The following AGAP3 variants were observed in gnomAD, a reference collection of about 807,000 sequenced individuals.
AGAP3 encodes the protein ArfGAP with GTPase domain, ankyrin repeat and PH domain 3.
In AGAP3, 24 loss-of-function variants were observed where a neutral mutation model predicts 96.9. The ratio of observed to expected loss-of-function variants is 0.25; its 90% CI spans 0.18 to 0.35. The LOEUF (loss-of-function observed/expected upper bound fraction) is 0.35. AGAP3 is among the 10% of genes least tolerant of loss of function. The pLI, the probability that AGAP3 is intolerant of heterozygous loss-of-function variation, is 1.00. For synonymous variants in AGAP3, 563 were observed against 536.1 expected, an observed-to-expected ratio of 1.05 and a Z score of -0.69; for missense variants, 876 against 1,254.2, an observed-to-expected ratio of 0.70 and a Z score of 4.55.
In AGAP3 at chr7:151,141,984, C is replaced by A; in HGVS notation, c.1891C>A (p.Leu631Met). The change falls in exon 14 of 18, where the codon CTG becomes ATG. Residue 631 changes from leucine to methionine, a missense_variant. This residue lies in a region of AGAP3 where 103 missense variants were observed against 183.0 expected (regional missense o/e 0.56). Transcript: ENST00000397238. The surrounding 1 kb of genome is among the most constrained non-coding windows in gnomAD (Gnocchi z 4.2). Reference protein sequence around the residue: ...FEASTAEERELWVQSVQAQIL... With the variant: ...FEASTAEEREMWVQSVQAQIL... The stretch of plus-strand genomic sequence containing the variant: ...GGCTTCAACGGCGGAGGAGCGGGAG[C>A]TGTGGGTTCAGAGTGTGCAGGCCCA... 3.1e-6 allele frequency: 5 copies of A among 1,614,112 alleles called. No homozygotes were observed. Among genetic ancestry groups the A allele is most frequent in the Non-Finnish European group, 4.2e-6 (5 of 1,180,000 alleles).
chr7:151,103,821 G>C (rs1159571239), intron 1 of AGAP3, among the ~76,000 whole-genome samples: 1 of 152,216 alleles, frequency 6.6e-6, no homozygotes, highest in Non-Finnish European at 1.5e-5. Flanking sequence ...TGGACTTATT[G>C]TAGGGCCAGG....
At chr7:151,110,406 A>T (rs918689504) in intron 1 of AGAP3, among the ~76,000 whole-genome samples, 1 of 152,198 alleles carries the variant, frequency 6.6e-6, no homozygotes, top group Non-Finnish European at 1.5e-5. Context: ...TTCAGGGACA[A>T]GCAGGGCAGA....
rs933554272 is a variant in AGAP3 at position 151,120,936 on chromosome 7, G to A, written c.1128+791G>A. On this transcript the variant is annotated intron_variant, in intron 8 of 17. Transcript: ENST00000397238. ...CCTAATCCTCCAGCCGGGCTTGGCTGGATGTTCCAGGAGTCTTGGGCCAGA... is the reference window on the plus strand; with the variant it reads ...CCTAATCCTCCAGCCGGGCTTGGCTAGATGTTCCAGGAGTCTTGGGCCAGA... The A allele has an allele frequency of 1.4e-5, 13 of 899,952 alleles. No individual in the cohort carries two copies. The African/African-American group carries it at 2.3e-4, about 16-fold the overall frequency. 55.7% of individuals were successfully genotyped at this position (899,952 alleles called of 1,614,324 possible).
Position 151,114,953 on chromosome 7 carries a change from C to G in AGAP3, c.332-1840C>G. 2 of 983,452 alleles carry G rather than the reference C, an allele frequency of 2.0e-6. No individual in the cohort carries two copies. The highest frequency in any genetic ancestry group is 2.4e-6 in the Non-Finnish European group (2 of 830,536). 60.9% of individuals were successfully genotyped at this position (983,452 alleles called of 1,614,324 possible). Reference sequence around the variant, plus strand: ...AGCCGGCGCGGCCGCGGAGCGTGTGCTCGGGCGGCCCGGAGCCGCCGCCCA... The same window carrying G: ...AGCCGGCGCGGCCGCGGAGCGTGTGGTCGGGCGGCCCGGAGCCGCCGCCCA... On this transcript the variant is annotated intron_variant, in intron 1 of 17. Coordinates refer to ENST00000397238, the MANE Select transcript of AGAP3 (RefSeq NM_031946.7). This position sits in a 1 kb window ranked among gnomAD's most constrained non-coding sequence, Gnocchi z 4.4.
At chr7:151,120,212 C>G in intron 8 of AGAP3, 67 bp downstream of exon 8, 6 of 1,511,922 alleles carry the variant, frequency 4.0e-6, no homozygotes, top group Non-Finnish European at 5.4e-6. Flanking sequence ...GCGCCGAGCT[C>G]CCAGCCAGGA....
At chr7:151,120,394 T>C in intron 8 of AGAP3, 1 of 664,428 alleles carries the variant, frequency 1.5e-6, no homozygotes, top group Non-Finnish European at 2.7e-6. Flanking sequence ...CTCCCTGCCC[T>C]CTGCCGCACA....
At chr7:151,113,167 G>A (rs1000677500) in intron 1 of AGAP3, among the ~76,000 whole-genome samples, 26 of 152,346 alleles carry the variant, frequency 1.7e-4, no homozygotes, top group Admixed American at 7.8e-4. Flanking sequence ...AAGGCAGAAT[G>A]TGTTTCCTTT....
At chr7:151,124,650 G>T (rs995171111) in intron 9 of AGAP3, among the ~76,000 whole-genome samples, 1 of 152,210 alleles carries the variant, frequency 6.6e-6, no homozygotes, top group Non-Finnish European at 1.5e-5. Context: ...GGAGGCTCAC[G>T]TGGCCAGAGC....
chr7:151,139,590 T>G lies in AGAP3; in HGVS notation c.1667-389T>G. ...TGACAGTAATTAGGCAGCTCCCTGA[T>G]TGTTTCTAATTCTGCTATTAATTGT... On this transcript the variant is annotated intron_variant, in intron 12 of 17. Transcript: ENST00000397238. The surrounding 1 kb of genome is among the most constrained non-coding windows in gnomAD (Gnocchi z 4.9). The G allele has an allele frequency of 6.2e-6, 1 of 162,442 alleles. No individual in the cohort carries two copies. Among genetic ancestry groups the G allele is most frequent in the Non-Finnish European group, 1.3e-5 (1 of 75,242 alleles). The allele number at this position is 162,442 out of a possible 1,614,324, so 10.1% of individuals were successfully genotyped here. A position where few individuals can be genotyped will look rare whatever the true frequency, so the allele number is the denominator to read the frequency against.
chr7:151,143,262 T>C lies in AGAP3; in HGVS notation c.2274-79T>C. ...CTTGTTCCCCCGGGTGCTCGCTTCC[T>C]TTCCTGCCCACCTTCCTGGCCCCAC... On this transcript the variant is annotated intron_variant, in intron 16 of 17. Transcript: ENST00000397238. This position sits in a 1 kb window ranked among gnomAD's most constrained non-coding sequence, Gnocchi z 5.9. 1 of 1,518,046 alleles carries C rather than the reference T, an allele frequency of 6.6e-7. No homozygotes were observed. The highest frequency in any genetic ancestry group is 8.8e-7 in the Non-Finnish European group (1 of 1,130,890). The allele number at this position is 1,518,046 out of a possible 1,614,324, so 94.0% of individuals were successfully genotyped here. A position where few individuals can be genotyped will look rare whatever the true frequency, so the allele number is the denominator to read the frequency against.
intron 8 of AGAP3, among the ~76,000 whole-genome samples, chr7:151,121,359 C>G (rs1158838771): frequency 6.6e-6 from 1 of 151,384 alleles, no homozygotes. Flanking sequence ...GCCGCCTGCT[C>G]GAGCCCACAC....
intron 1 of AGAP3, among the ~76,000 whole-genome samples, chr7:151,109,973 A>G (rs191784463): frequency 5.3e-5 from 8 of 152,374 alleles, no homozygotes; most frequent in Non-Finnish European, 1.0e-4. Context: ...AAGCTGGGCC[A>G]TTCCTAATTT....
chr7:151,104,583 GGCGTGCCCATCAGAA>G (rs1563442209), intron 1 of AGAP3, among the ~76,000 whole-genome samples: 1 of 152,214 alleles, frequency 6.6e-6, no homozygotes, highest in Non-Finnish European at 1.5e-5. Context: ...AGTAATCAGG[GGCGTGCCCATCAGAA>G]GCGCCAGGGA....
rs1799130490 is a variant in AGAP3, at chr7:151,108,058, C to A, written c.332-8735C>A. 6.6e-6 allele frequency among the ~76,000 whole-genome samples: 1 copy of A among 152,204 alleles called. No homozygotes were observed. Among genetic ancestry groups the A allele is most frequent in the African/African-American group, 2.4e-5 (1 of 41,448 alleles). ...CGCGTTCCTCTCCAGGGAGGAGCTG[C>A]TAGAAAGCAGAGCTAAGCCCACAGT... On this transcript the variant is annotated intron_variant, in intron 1 of 17. Transcript: ENST00000397238. The surrounding 1 kb of genome is among the most constrained non-coding windows in gnomAD (Gnocchi z 4.2).
At chr7:151,111,617 G>A (rs1456905283) in intron 1 of AGAP3, among the ~76,000 whole-genome samples, 7 of 148,414 alleles carry the variant, frequency 4.7e-5, no homozygotes, top group Non-Finnish European at 5.9e-5. Flanking sequence ...CAGGGCACCC[G>A]AGGCCCAGGC....
intron 9 of AGAP3, chr7:151,128,312 C>T (rs958684822): frequency 2.4e-5 from 11 of 466,530 alleles, no homozygotes; most frequent in African/African-American, 2.0e-4. Flanking sequence ...CGAGGTGGCT[C>T]CACACACTGG....
At chr7:151,090,555 GAT>G (rs1204074877) in intron 1 of AGAP3, 2 of 152,442 alleles carry the variant, frequency 1.3e-5, no homozygotes, top group Non-Finnish European at 2.9e-5. Context: ...AAGGTAAAGA[GAT>G]GTGGGGGTTT....
chr7:151,091,347 C>T (rs1021542218), intron 1 of AGAP3, among the ~76,000 whole-genome samples: 8 of 152,228 alleles, frequency 5.3e-5, no homozygotes, highest in East Asian at 1.9e-4. Context: ...GGACTTTGCT[C>T]GCAAGAGTTC....
rs1247152859 is a variant in AGAP3 at position 151,143,718 on chromosome 7, C to T, written c.2530-19C>T. The stretch of plus-strand genomic sequence containing the variant: ...CCTCCCATGTCTTGCCAACTGTCAA[C>T]ATGTGTTTTCTCCTACAGTACGGGG... On this transcript the variant is annotated intron_variant, in intron 17 of 17. Transcript: ENST00000397238. This position sits in a 1 kb window ranked among gnomAD's most constrained non-coding sequence, Gnocchi z 5.9. 2 of 1,613,834 alleles carry T rather than the reference C, an allele frequency of 1.2e-6. No individual in the cohort carries two copies. Among genetic ancestry groups the T allele is most frequent in the Middle Eastern group, 1.6e-4 (1 of 6,082 alleles).
Sources: allele counts gnomAD v4.1 joint callset (sites outside exome capture counted in the v4.1 genomes callset), GRCh38; gene constraint gnomAD v4.1.1; regional missense constraint gnomAD v4.1.1; non-coding constraint Gnocchi (gnomAD v3.1); transcripts MANE v1.5; gene names NCBI Gene and HGNC (gene_info 2026-07-23, HGNC 2026-07-21).